Variants in LYPD6B observed in about 807,000 individuals in gnomAD.
The protein encoded by LYPD6B is ly6/PLAUR domain-containing protein 6B.
In LYPD6B, 17 loss-of-function variants were observed where a neutral mutation model predicts 22.8. The ratio of observed to expected loss-of-function variants is 0.75; its 90% CI spans 0.51 to 1.12. The LOEUF (loss-of-function observed/expected upper bound fraction) is 1.12. Among genes scored for constraint, LYPD6B ranks in the 50% most tolerant of loss-of-function variants. The probability of loss-of-function intolerance (pLI) is 0.00; values close to 1 mark genes in which losing one functional copy is unlikely to be tolerated. For missense variants in LYPD6B, 221 were observed against 258.3 expected (o/e 0.86, Z 0.99); for synonymous variants, 106 against 91.6 (o/e 1.16, Z -0.90).
intron 3 of LYPD6B, among the ~76,000 whole-genome samples, chr2:149,196,111 A>C (rs1692793183): frequency 6.6e-6 from 1 of 152,216 alleles, no homozygotes; most frequent in African/African-American, 2.4e-5. Flanking sequence ...TTCAGTTTCC[A>C]GGGAATATGA....
intron 3 of LYPD6B, among the ~76,000 whole-genome samples, chr2:149,176,633 T>C (rs1691326581): frequency 6.6e-6 from 1 of 152,198 alleles, no homozygotes; most frequent in Non-Finnish European, 1.5e-5. Context: ...CTACTGACTT[T>C]CTTGCCCTTT....
intron 2 of LYPD6B, among the ~76,000 whole-genome samples, chr2:149,134,148 G>C (rs1688207364): frequency 2.0e-5 from 3 of 152,074 alleles, no homozygotes; most frequent in Admixed American, 1.3e-4. Flanking sequence ...GAGAGAGAGA[G>C]AGCCCCATGT....
chr2:149,077,833 C>T (rs893656862), intron 1 of LYPD6B, among the ~76,000 whole-genome samples: 2 of 152,200 alleles, frequency 1.3e-5, no homozygotes, highest in African/African-American at 2.4e-5. Flanking sequence ...ATCACACTGG[C>T]ATCTATTCTT....
intron 1 of LYPD6B, among the ~76,000 whole-genome samples, chr2:149,077,031 A>T (rs981569493): frequency 1.3e-5 from 2 of 152,294 alleles, no homozygotes; most frequent in Non-Finnish European, 2.9e-5. Flanking sequence ...GCAGCCCCAC[A>T]TGCACTCCTG....
intron 1 of LYPD6B, among the ~76,000 whole-genome samples, chr2:149,111,276 C>G (rs969744982): frequency 1.3e-5 from 2 of 152,048 alleles, no homozygotes; most frequent in African/African-American, 4.8e-5. Context: ...CCTGACTTAC[C>G]TTTTTAAAGG....
chr2:149,194,243 C>T (rs1238436826), intron 3 of LYPD6B, among the ~76,000 whole-genome samples: 4 of 152,058 alleles, frequency 2.6e-5, no homozygotes, highest in African/African-American at 9.7e-5. Flanking sequence ...TAACAATTGC[C>T]CTTACACTTC....
chr2:149,203,142 C>T (rs1268404144), intron 3 of LYPD6B, among the ~76,000 whole-genome samples: 1 of 152,130 alleles, frequency 6.6e-6, no homozygotes, highest in Non-Finnish European at 1.5e-5. Flanking sequence ...GTCCTCACTC[C>T]AAAACTATGA....
At chr2:149,082,819 C>T (rs764980838) in intron 1 of LYPD6B, among the ~76,000 whole-genome samples, 10 of 152,254 alleles carry the variant, frequency 6.6e-5, no homozygotes, top group Middle Eastern at 6.8e-3. Context: ...TTAATAATCA[C>T]GATGTAGTAA....
intron 2 of LYPD6B, among the ~76,000 whole-genome samples, chr2:149,152,955 G>A (rs919624586): frequency 2.0e-5 from 3 of 152,186 alleles, no homozygotes; most frequent in Non-Finnish European, 2.9e-5. Context: ...ATTCTGCCAT[G>A]AGGCTTATGG....
chr2:149,187,575 A>G (rs1260216442), intron 3 of LYPD6B: 1 of 1,401,454 alleles, frequency 7.1e-7, no homozygotes, highest in Non-Finnish European at 9.3e-7. Context: ...GAAGCCTGAC[A>G]CATTGTAGGT....
chr2:149,175,236 C>T (rs1428068644), intron 3 of LYPD6B, among the ~76,000 whole-genome samples: 1 of 152,134 alleles, frequency 6.6e-6, no homozygotes. Context: ...GCCTATTCCT[C>T]CTAGGGCTAC....
intron 3 of LYPD6B, 45 bp downstream of exon 3, chr2:149,160,880 G>C: frequency 2.9e-6 from 4 of 1,398,326 alleles, no homozygotes; most frequent in Non-Finnish European, 4.0e-6. Flanking sequence ...TTTCATTTGG[G>C]AGCTCTGGTT....
At chr2:149,175,061 C>CTGTGTGTGTGTGTG (rs1330239336) in intron 3 of LYPD6B, among the ~76,000 whole-genome samples, 10 of 113,002 alleles carry the variant, frequency 8.8e-5, no homozygotes, top group South Asian at 3.7e-4. Flanking sequence ...CTCTCTCTCT[C>CTGTGTGTGTGTGTG]TGTGTGTGTG....
intron 3 of LYPD6B, among the ~76,000 whole-genome samples, chr2:149,180,595 A>G (rs1691645994): frequency 6.6e-6 from 1 of 152,202 alleles, no homozygotes; most frequent in South Asian, 2.1e-4. Flanking sequence ...CCTCTTTCCT[A>G]CTGGAAGCAT....
At chr2:149,051,348 G>A (rs747103078) in intron 1 of LYPD6B, among the ~76,000 whole-genome samples, 1 of 151,822 alleles carries the variant, frequency 6.6e-6, no homozygotes. Context: ...CTATTTTTTA[G>A]TAGAGATGGG....
At chr2:149,044,596 C>G (rs1436289133) in intron 1 of LYPD6B, among the ~76,000 whole-genome samples, 1 of 151,998 alleles carries the variant, frequency 6.6e-6, no homozygotes, top group Non-Finnish European at 1.5e-5. Flanking sequence ...CTCCCTCCTT[C>G]TCTTCCTCCA....
chr2:149,160,930 G>A (rs1214892236), intron 3 of LYPD6B, 95 bp downstream of exon 3: 1 of 909,950 alleles, frequency 1.1e-6, no homozygotes, highest in Non-Finnish European at 1.7e-6. Context: ...CCGGGACCCT[G>A]TGTTTTTCCC....
At chr2:149,099,255 A>G (rs532876805) in intron 1 of LYPD6B, among the ~76,000 whole-genome samples, 1 of 152,166 alleles carries the variant, frequency 6.6e-6, no homozygotes, top group African/African-American at 2.4e-5. Flanking sequence ...TAAAAAAATT[A>G]TATGTTGTTT....
chr2:149,039,080 G>A (rs1252553210), intron 1 of LYPD6B, among the ~76,000 whole-genome samples: 5 of 151,882 alleles, frequency 3.3e-5, no homozygotes, highest in Non-Finnish European at 4.4e-5. Flanking sequence ...GGAGCGGTGT[G>A]GGTCTCTAAT....
Sources: gnomAD v4.1 joint callset for allele counts (sites outside exome capture counted in the v4.1 genomes callset) on GRCh38, gnomAD v4.1.1 for gene constraint, MANE v1.5 for transcripts, NCBI Gene and HGNC (gene_info 2026-07-23, HGNC 2026-07-21) for gene names.